The following GPBP1 variants were observed in gnomAD, a reference collection of about 807,000 sequenced individuals.
GPBP1 encodes GC-rich promoter binding protein 1.
GPBP1 carries 13 observed loss-of-function variants against 56.5 expected under a neutral mutation model. That is an observed-to-expected ratio of 0.23 (90% CI 0.15 to 0.37). The LOEUF is 0.37. GPBP1 is among the 10% of genes least tolerant of loss of function. The probability of loss-of-function intolerance (pLI) is 1.00; values close to 1 mark genes in which losing one functional copy is unlikely to be tolerated. For missense variants in GPBP1, 477 were observed against 572.3 expected (o/e 0.83, Z 1.70); for synonymous variants, 204 against 188.9 (o/e 1.08, Z -0.66).
chr5:57,226,270 C>A (rs1756182946), intron 3 of GPBP1, among the ~76,000 whole-genome samples: 1 of 152,168 alleles, frequency 6.6e-6, no homozygotes, highest in South Asian at 2.1e-4. Context: ...CATATCCTGG[C>A]AAAATTACTT....
chr5:57,254,340 A>C (rs918856297), intron 10 of GPBP1, among the ~76,000 whole-genome samples: 10 of 152,106 alleles, frequency 6.6e-5, no homozygotes, highest in African/African-American at 2.2e-4. Context: ...CCCTTCTCCA[A>C]ATCATGTCCT....
At chr5:57,231,530 C>T (rs1009284295) in intron 5 of GPBP1, among the ~76,000 whole-genome samples, 1 of 152,180 alleles carries the variant, frequency 6.6e-6, no homozygotes, top group African/African-American at 2.4e-5. Flanking sequence ...ACCTCAGCCT[C>T]CCAAAGTGCT....
chr5:57,174,701 A>G (rs150269015), intron 1 of GPBP1, among the ~76,000 whole-genome samples: 255 of 152,276 alleles, frequency 1.7e-3, no homozygotes, highest in African/African-American at 5.9e-3. Context: ...GGCGAAGGCT[A>G]CTTTGTTCCT....
intron 2 of GPBP1, among the ~76,000 whole-genome samples, chr5:57,201,475 C>G (rs572715715): frequency 6.6e-6 from 1 of 152,322 alleles, no homozygotes; most frequent in Non-Finnish European, 1.5e-5. Context: ...GCGTGAGCCA[C>G]TGCATCTGGC....
At chr5:57,186,873 AT>A (rs572802287) in intron 2 of GPBP1, among the ~76,000 whole-genome samples, 349 of 144,798 alleles carry the variant, frequency 2.4e-3, no homozygotes, top group South Asian at 0.018. Flanking sequence ...GACCACCCCT[AT>A]TTTTTTTTTT....
chr5:57,210,337 T>C (rs1417500838), intron 2 of GPBP1, among the ~76,000 whole-genome samples: 3 of 152,182 alleles, frequency 2.0e-5, no homozygotes, highest in Non-Finnish European at 2.9e-5. Flanking sequence ...AGAAAAAAAT[T>C]AGGGTTTTCA....
At chr5:57,230,654 TTAGA>T (rs1756411154) in intron 3 of GPBP1, 188 bp from the exon 4 acceptor site, 1 of 602,474 alleles carries the variant, frequency 1.7e-6, no homozygotes, top group Non-Finnish European at 2.9e-6. Context: ...CTTGTTTCCA[TTAGA>T]TAGAAGAAAA....
intron 3 of GPBP1, among the ~76,000 whole-genome samples, chr5:57,214,893 G>A (rs112157771): frequency 0.025 from 3,816 of 152,220 alleles, 71 homozygotes; most frequent in Non-Finnish European, 0.04. Flanking sequence ...AACGCCTGAC[G>A]TTAAGTGATC....
At chr5:57,174,887 G>A (rs1753729577) in intron 1 of GPBP1, among the ~76,000 whole-genome samples, 1 of 152,212 alleles carries the variant, frequency 6.6e-6, no homozygotes, top group Non-Finnish European at 1.5e-5. Context: ...AAGTGGGGAA[G>A]TCTCCTCGGG....
intron 10 of GPBP1, among the ~76,000 whole-genome samples, chr5:57,255,316 T>C (rs1741610467): frequency 6.6e-6 from 1 of 152,226 alleles, no homozygotes; most frequent in South Asian, 2.1e-4. Context: ...ATTTATATTC[T>C]TGAATATTTG....
At chr5:57,227,651 C>T (rs1019675660) in intron 3 of GPBP1, among the ~76,000 whole-genome samples, 28 of 152,150 alleles carry the variant, frequency 1.8e-4, no homozygotes, top group Non-Finnish European at 3.5e-4. Flanking sequence ...GGGCAGCATC[C>T]ACCTGGGCCC....
At chr5:57,188,773 C>T (rs1754396998) in intron 2 of GPBP1, among the ~76,000 whole-genome samples, 1 of 152,050 alleles carries the variant, frequency 6.6e-6, no homozygotes, top group Non-Finnish European at 1.5e-5. Flanking sequence ...TACAGTCTTA[C>T]TTCCTAGCCC....
intron 2 of GPBP1, among the ~76,000 whole-genome samples, chr5:57,193,117 G>A (rs1284745426): frequency 6.6e-6 from 1 of 152,092 alleles, no homozygotes; most frequent in Non-Finnish European, 1.5e-5. Context: ...AGGAGTTGAA[G>A]ACCAGCCTGG....
intron 10 of GPBP1, among the ~76,000 whole-genome samples, chr5:57,255,373 A>C (rs1261003130): frequency 6.6e-6 from 1 of 152,248 alleles, no homozygotes; most frequent in Non-Finnish European, 1.5e-5. Flanking sequence ...TTGATTGGTC[A>C]GATGGCATAC....
chr5:57,187,528 C>T (rs1034907242), intron 2 of GPBP1, among the ~76,000 whole-genome samples: 6 of 152,020 alleles, frequency 3.9e-5, no homozygotes, highest in Admixed American at 2.0e-4. Flanking sequence ...TTCCTCTGTC[C>T]GTGAAGTTTG....
At chr5:57,217,522 G>A (rs1223126709) in intron 3 of GPBP1, among the ~76,000 whole-genome samples, 1 of 151,364 alleles carries the variant, frequency 6.6e-6, no homozygotes, top group Non-Finnish European at 1.5e-5. Context: ...GGTGAGCCGA[G>A]ATTGTGCCAT....
chr5:57,231,371 T>G, intron 5 of GPBP1, 50 bp downstream of exon 5: 2 of 1,441,310 alleles, frequency 1.4e-6, no homozygotes, highest in South Asian at 2.4e-5. Context: ...AAGTGCTATT[T>G]TAAGTGATTC....
chr5:57,179,907 G>C (rs1004743798), intron 2 of GPBP1, among the ~76,000 whole-genome samples: 2 of 151,910 alleles, frequency 1.3e-5, no homozygotes, highest in African/African-American at 2.4e-5. Context: ...CCTTGTCTCT[G>C]TTTTTGAATT....
intron 6 of GPBP1, chr5:57,237,270 G>A (rs1191315585): frequency 4.8e-6 from 4 of 836,556 alleles, no homozygotes; most frequent in Non-Finnish European, 7.9e-6. Context: ...AAGAAATTAG[G>A]AATAATTTGG....
Sources: allele counts gnomAD v4.1 joint callset (sites outside exome capture counted in the v4.1 genomes callset), GRCh38; gene constraint gnomAD v4.1.1; transcripts MANE v1.5; gene names NCBI Gene and HGNC (gene_info 2026-07-23, HGNC 2026-07-21).